Variants in BIRC6 observed in about 807,000 individuals in gnomAD.
BIRC6 encodes dual E2 ubiquitin-conjugating enzyme/E3 ubiquitin-protein ligase BIRC6.
BIRC6 carries 98 observed loss-of-function variants against 503.3 expected under a neutral mutation model. That is an observed-to-expected ratio of 0.19 (90% confidence interval 0.17 to 0.23). BIRC6 has a LOEUF of 0.23. Among genes scored for constraint, BIRC6 ranks in the 10% least tolerant of loss-of-function variants. The pLI is 1.00. For synonymous variants in BIRC6, 2,240 were observed against 2,078.7 expected (o/e 1.08, Z -2.11); for missense variants, 5,360 against 5,806.0 (o/e 0.92, Z 2.50).
At chr2:32,581,697 G>A (rs1369118462) in intron 66 of BIRC6, among the ~76,000 whole-genome samples, 3 of 152,116 alleles carry the variant, frequency 2.0e-5, no homozygotes, top group African/African-American at 4.8e-5. Flanking sequence ...TAGACCATGT[G>A]TGCAAAGCAG....
chr2:32,524,411 G>A (rs2056072667), intron 57 of BIRC6, among the ~76,000 whole-genome samples: 1 of 152,182 alleles, frequency 6.6e-6, no homozygotes, highest in East Asian at 1.9e-4. Flanking sequence ...CAGAAGTCTA[G>A]TTTAATGCTA....
chr2:32,460,274 T>TA (rs1572383914), intron 23 of BIRC6, among the ~76,000 whole-genome samples: 31 of 19,544 alleles, frequency 1.6e-3, no homozygotes, highest in Non-Finnish European at 2.3e-3. Context: ...ATATATATAT[T>TA]TTTTTTTTTT....
chr2:32,430,886 A>G lies in BIRC6; in HGVS notation c.3044A>G (p.Gln1015Arg). The G allele has an allele frequency of 6.2e-7, 1 of 1,601,214 alleles. No homozygotes were observed. Among genetic ancestry groups the G allele is most frequent in the Non-Finnish European group, 8.5e-7 (1 of 1,175,164 alleles). ...GISGVDLLVD[Q>R]PFTLEILTSL... ...TAAGGAGTTGATTTATTGGTGGACC[A>G]GCCATTCACCCTTGAAATCTTGACA... Residue 1015 changes from glutamine (Q) to arginine (R), a missense_variant, in exon 12 of 74, where the codon CAG becomes CGG. Coordinates refer to ENST00000421745, the MANE Select transcript of BIRC6 (RefSeq NM_016252.4).
At chr2:32,478,040 A>G (rs1447878714) in intron 35 of BIRC6, among the ~76,000 whole-genome samples, 4 of 152,174 alleles carry the variant, frequency 2.6e-5, no homozygotes, top group Non-Finnish European at 5.9e-5. Flanking sequence ...GTGTCAAATT[A>G]TATTAAAGAA....
At chr2:32,487,858 A>C in intron 41 of BIRC6, 57 bp downstream of exon 41, 1 of 1,436,190 alleles carries the variant, frequency 7.0e-7, no homozygotes, top group Middle Eastern at 1.8e-4. Context: ...CTGGTAAAAG[A>C]TGAAACTAAT....
At chr2:32,483,528 A>G (rs1035329979) in intron 39 of BIRC6, among the ~76,000 whole-genome samples, 6 of 152,240 alleles carry the variant, frequency 3.9e-5, no homozygotes, top group African/African-American at 1.4e-4. Flanking sequence ...CTGCTGTCAA[A>G]TACTGAGAGC....
intron 44 of BIRC6, among the ~76,000 whole-genome samples, chr2:32,492,234 T>G (rs1339688398): frequency 6.6e-6 from 1 of 152,112 alleles, no homozygotes; most frequent in African/African-American, 2.4e-5. Context: ...CAGCCCAGTT[T>G]CTCTATTAAT....
chr2:32,502,563 A>G (rs2053320721), intron 47 of BIRC6, among the ~76,000 whole-genome samples: 1 of 152,226 alleles, frequency 6.6e-6, no homozygotes, highest in Admixed American at 6.5e-5. Context: ...GCATATTAAG[A>G]GAAAAGATAA....
intron 65 of BIRC6, among the ~76,000 whole-genome samples, chr2:32,574,398 G>A (rs74625925): frequency 0.026 from 3,934 of 152,020 alleles, 107 homozygotes; most frequent in African/African-American, 0.071. Flanking sequence ...GATTATGGGC[G>A]CGAATCACAG....
chr2:32,456,384 A>T (rs1041179844), intron 23 of BIRC6, among the ~76,000 whole-genome samples: 1 of 152,188 alleles, frequency 6.6e-6, no homozygotes, highest in Non-Finnish European at 1.5e-5. Flanking sequence ...CTTTTGTCCG[A>T]ATGCAACAAA....
At chr2:32,522,245 C>T (rs543231875) in intron 57 of BIRC6, 4 of 151,998 alleles carry the variant, frequency 2.6e-5, no homozygotes, top group East Asian at 3.9e-4. Flanking sequence ...TGTATGTTCT[C>T]GCTTCTTTAT....
chr2:32,389,191 CCA>C (rs1410289773), intron 4 of BIRC6, among the ~76,000 whole-genome samples: 3 of 151,882 alleles, frequency 2.0e-5, no homozygotes, highest in Non-Finnish European at 4.4e-5. Context: ...GATTATAAAG[CCA>C]CATTTTGGAA....
intron 10 of BIRC6, among the ~76,000 whole-genome samples, chr2:32,417,511 A>G (rs1270106940): frequency 2.6e-5 from 4 of 152,174 alleles, no homozygotes; most frequent in Admixed American, 2.6e-4. Context: ...ATTACTGACA[A>G]TATCAGGCAA....
Position 32,357,196 on chromosome 2 carries a change from CTG to C in BIRC6, c.37_38del (p.Val13HisfsTer2). 6.5e-7 allele frequency: 1 copy of C among 1,539,772 alleles called. No homozygotes were observed. On this transcript the variant is annotated frameshift_variant, in exon 1 of 74. Transcript: ENST00000421745. LOFTEE classifies it high-confidence loss of function. The surrounding 1 kb of genome is among the most constrained non-coding windows in gnomAD (Gnocchi z 4.9). ...GGTGGTGGTGCTGCACCTCCCGGGACTGTCACTGAGCCGCTTCCCAGTGTGAT... is the reference window on the plus strand; with the variant it reads ...GGTGGTGGTGCTGCACCTCCCGGGACTCACTGAGCCGCTTCCCAGTGTGAT...
chr2:32,575,131 G>C (rs754449554), intron 65 of BIRC6, 25 bp from the exon 66 acceptor site: 6 of 1,608,548 alleles, frequency 3.7e-6, no homozygotes, highest in Non-Finnish European at 5.1e-6. Context: ...TGCTCATTTT[G>C]TGCTTTTTCT....
chr2:32,375,699 T>C (rs542233146), intron 1 of BIRC6, among the ~76,000 whole-genome samples: 1 of 152,102 alleles, frequency 6.6e-6, no homozygotes, highest in African/African-American at 2.4e-5. Flanking sequence ...TTTACCGTAT[T>C]GATAAGTGCA....
chr2:32,616,517 G>A (rs2063249147), intron 73 of BIRC6, among the ~76,000 whole-genome samples: 1 of 140,402 alleles, frequency 7.1e-6, no homozygotes, highest in African/African-American at 2.7e-5. Flanking sequence ...CCGAGATTGT[G>A]CCTCTGCACT....
chr2:32,475,312 A>G (rs1411007059), intron 33 of BIRC6, among the ~76,000 whole-genome samples: 3 of 152,100 alleles, frequency 2.0e-5, no homozygotes. Context: ...CTTTCTGTGT[A>G]CATGCTGTAT....
intron 47 of BIRC6, 127 bp downstream of exon 47, chr2:32,502,015 G>C (rs1479372363): frequency 1.1e-5 from 10 of 870,752 alleles, no homozygotes; most frequent in Non-Finnish European, 1.6e-5. Flanking sequence ...ATCAGTACAA[G>C]AGGGCTGTGG....
Sources: gnomAD v4.1 joint callset for allele counts (sites outside exome capture counted in the v4.1 genomes callset) on GRCh38, gnomAD v4.1.1 for gene constraint, Gnocchi (gnomAD v3.1) non-coding constraint, MANE v1.5 for transcripts, NCBI Gene and HGNC (gene_info 2026-07-23, HGNC 2026-07-21) for gene names.